The following MDFIC variants were observed in gnomAD, a reference collection of about 807,000 sequenced individuals.
MDFIC encodes the protein MyoD family inhibitor domain containing.
MDFIC carries 17 observed loss-of-function variants against 23.2 expected under a neutral mutation model. The ratio of observed to expected loss-of-function variants is 0.73; its 90% confidence interval spans 0.50 to 1.10. MDFIC has a LOEUF of 1.10. MDFIC is among the 50% of genes least tolerant of loss of function. The pLI is 0.00. For synonymous variants in MDFIC, 120 were observed against 115.2 expected, an observed-to-expected ratio of 1.04 and a Z score of -0.27; for missense variants, 356 against 316.6, an observed-to-expected ratio of 1.12 and a Z score of -0.95.
chr7:114,962,180 TGATC>T (rs1793006999), intron 3 of MDFIC, among the ~76,000 whole-genome samples: 1 of 152,252 alleles, frequency 6.6e-6, no homozygotes, highest in Non-Finnish European at 1.5e-5. Context: ...ATAGCGAAGG[TGATC>T]AGAGATCAGT....
chr7:114,959,192 G>C (rs1396565571), intron 3 of MDFIC, among the ~76,000 whole-genome samples: 2 of 152,154 alleles, frequency 1.3e-5, no homozygotes, highest in Non-Finnish European at 2.9e-5. Context: ...CTCAGAGTCA[G>C]AATCTACAGC....
intron 3 of MDFIC, among the ~76,000 whole-genome samples, chr7:114,954,007 T>G (rs1792834428): frequency 6.6e-6 from 1 of 152,174 alleles, no homozygotes; most frequent in African/African-American, 2.4e-5. Flanking sequence ...GGAGCTGATT[T>G]TAGTGTCTTA....
intron 3 of MDFIC, among the ~76,000 whole-genome samples, chr7:114,951,237 T>C (rs772168230): frequency 6.8e-4 from 29 of 42,958 alleles, no homozygotes; most frequent in Non-Finnish European, 2.2e-3. Flanking sequence ...AGCCAGTTGG[T>C]CTGGTCATCT....
chr7:114,999,739 T>C (rs1791421804), intron 4 of MDFIC, among the ~76,000 whole-genome samples: 1 of 148,694 alleles, frequency 6.7e-6, no homozygotes, highest in Non-Finnish European at 1.5e-5. Context: ...GATTCACTTA[T>C]GAACCTCCAG....
chr7:114,923,311 CCGGGTAAGAGGG>C, intron 2 of MDFIC, 184 bp downstream of exon 2: 1 of 1,143,210 alleles, frequency 8.7e-7, no homozygotes, highest in Middle Eastern at 2.6e-4. Flanking sequence ...AGATCAACAA[CCGGGTAAGAGGG>C]CGGGAACCGT....
At chr7:114,971,313 C>G (rs2594453) in intron 3 of MDFIC, among the ~76,000 whole-genome samples, 150,053 of 152,294 alleles carry the variant, frequency 0.99, 73,962 homozygotes, top group East Asian at 1. Flanking sequence ...CCTTTACTTA[C>G]CTAACTTCAC....
intron 2 of MDFIC, among the ~76,000 whole-genome samples, chr7:114,941,306 AT>A (rs1227803792): frequency 6.6e-6 from 1 of 152,180 alleles, no homozygotes; most frequent in African/African-American, 2.4e-5. Context: ...TTTGAATTTC[AT>A]CCAGATTTCT....
At chr7:114,936,091 G>A (rs1792418855) in intron 2 of MDFIC, among the ~76,000 whole-genome samples, 1 of 152,016 alleles carries the variant, frequency 6.6e-6, no homozygotes, top group Non-Finnish European at 1.5e-5. Context: ...CCCATTTAAA[G>A]TTGAAGAATC....
At chr7:114,977,320 C>A (rs1793335697) in intron 3 of MDFIC, among the ~76,000 whole-genome samples, 1 of 151,938 alleles carries the variant, frequency 6.6e-6, no homozygotes, top group African/African-American at 2.4e-5. Flanking sequence ...ATAGATGCTC[C>A]CAGAGTTATA....
At chr7:114,967,507 T>A (rs1793122155) in intron 3 of MDFIC, among the ~76,000 whole-genome samples, 1 of 152,190 alleles carries the variant, frequency 6.6e-6, no homozygotes, top group South Asian at 2.1e-4. Flanking sequence ...TCTTTGTCTT[T>A]CATGATATAA....
intron 2 of MDFIC, among the ~76,000 whole-genome samples, chr7:114,937,012 T>C (rs1792437088): frequency 6.6e-6 from 1 of 152,108 alleles, no homozygotes; most frequent in South Asian, 2.1e-4. Flanking sequence ...TTATTAATGC[T>C]CTTAGATTTT....
chr7:114,932,125 G>A (rs73441287), intron 2 of MDFIC, among the ~76,000 whole-genome samples: 3,225 of 152,210 alleles, frequency 0.021, 84 homozygotes, highest in African/African-American at 0.064. Context: ...ATTATTAAGC[G>A]TGGGAAAGTA....
chr7:115,009,392 G>A (rs776127719), intron 4 of MDFIC, among the ~76,000 whole-genome samples: 5 of 152,178 alleles, frequency 3.3e-5, no homozygotes, highest in East Asian at 1.9e-4. Context: ...AAAGAGGCTC[G>A]TTTAGAGGCG....
chr7:114,971,434 G>A (rs1793203021), intron 3 of MDFIC, among the ~76,000 whole-genome samples: 1 of 152,102 alleles, frequency 6.6e-6, no homozygotes, highest in Admixed American at 6.6e-5. Flanking sequence ...CACACAGAGG[G>A]GAGTAAAGGG....
chr7:115,011,166 C>A (rs895855422), intron 4 of MDFIC, among the ~76,000 whole-genome samples: 1 of 152,108 alleles, frequency 6.6e-6, no homozygotes, highest in Non-Finnish European at 1.5e-5. Context: ...GGGTCCTGAT[C>A]CTGTTTCTGC....
At chr7:115,011,947 G>T (rs934892306) in intron 4 of MDFIC, among the ~76,000 whole-genome samples, 1 of 152,116 alleles carries the variant, frequency 6.6e-6, no homozygotes, top group Non-Finnish European at 1.5e-5. Context: ...ATTTCATTCT[G>T]CTATCAAATC....
chr7:114,942,319 A>G lies in MDFIC; in HGVS notation c.139A>G (p.Thr47Ala), dbSNP rs150126605. 2 of 1,593,086 alleles carry G rather than the reference A, an allele frequency of 1.3e-6. No individual in the cohort carries two copies. The highest frequency in any genetic ancestry group is 1.7e-6 in the Non-Finnish European group (2 of 1,163,236). Residue 47 changes from threonine (T) to alanine (A), a missense_variant, in exon 3 of 5, where the codon ACC (threonine) becomes GCC (alanine). Coordinates refer to ENST00000393486, the MANE Select transcript of MDFIC (RefSeq NM_001166345.3). ...TACTGAGAAAGATATAACTCAAGCT[A>G]CCAATAGCCACTTCACACATGGAGA... ...DNTEKDITQATNSHFTHGEMQ... is the reference protein window; with the variant it reads ...DNTEKDITQAANSHFTHGEMQ...
chr7:115,007,621 C>CGTGT (rs1415340567), intron 4 of MDFIC, among the ~76,000 whole-genome samples: 44 of 74,766 alleles, frequency 5.9e-4, no homozygotes, highest in African/African-American at 2.1e-3. Context: ...ATCTAGTGTG[C>CGTGT]GTGTGTGTGT....
chr7:114,936,594 A>G (rs1197696907), intron 2 of MDFIC, among the ~76,000 whole-genome samples: 1 of 152,184 alleles, frequency 6.6e-6, no homozygotes, highest in Non-Finnish European at 1.5e-5. Flanking sequence ...CACCAACCTG[A>G]CCAAGAATAA....
Sources: allele counts gnomAD v4.1 joint callset (sites outside exome capture counted in the v4.1 genomes callset), GRCh38; gene constraint gnomAD v4.1.1; transcripts MANE v1.5; gene names NCBI Gene and HGNC (gene_info 2026-07-23, HGNC 2026-07-21).